MLLT3: variants seen among roughly 807,000 people sequenced by gnomAD.
MLLT3 encodes the protein MLLT3 super elongation complex subunit.
A neutral mutation model predicts 53.2 loss-of-function variants in MLLT3; 4 were observed. That is an observed-to-expected ratio of 0.08 (90% CI 0.04 to 0.17). The LOEUF is 0.17. Ranked by LOEUF, MLLT3 falls within the 10% of genes least tolerant of loss-of-function variation. The pLI, the probability that MLLT3 is intolerant of heterozygous loss-of-function variation, is 1.00. For synonymous variants in MLLT3, 283 were observed against 230.6 expected, an observed-to-expected ratio of 1.23 and a Z score of -2.06; for missense variants, 569 against 684.0, an observed-to-expected ratio of 0.83 and a Z score of 1.87.
intron 2 of MLLT3, among the ~76,000 whole-genome samples, chr9:20,571,981 A>G (rs1376896611): frequency 6.6e-6 from 1 of 152,230 alleles, no homozygotes; most frequent in Non-Finnish European, 1.5e-5. Flanking sequence ...TCCTCAAAAC[A>G]TTAAAAATAA....
chr9:20,456,311 C>T (rs1404149225), intron 3 of MLLT3, among the ~76,000 whole-genome samples: 1 of 151,894 alleles, frequency 6.6e-6, no homozygotes, highest in Non-Finnish European at 1.5e-5. Flanking sequence ...GGTGTGGGTA[C>T]CAGCTAAAGA....
chr9:20,594,858 G>A (rs1160892761), intron 2 of MLLT3, among the ~76,000 whole-genome samples: 1 of 152,144 alleles, frequency 6.6e-6, no homozygotes, highest in East Asian at 1.9e-4. Context: ...GGTCCAAAAA[G>A]GAGAGGAACC....
rs866019285 is a variant in MLLT3 at position 20,380,116 on chromosome 9, C to A, written c.1126-14372G>T. 5 of 152,068 alleles carry A rather than the reference C, an allele frequency of 3.3e-5. 1 individual carries two copies. In the South Asian group the frequency reaches 8.3e-4, roughly 25 times the overall value. The allele number at this position is 152,068 out of a possible 1,614,324, so 9.4% of individuals were successfully genotyped here. On this transcript the variant is annotated intron_variant, in intron 5 of 10. Transcript: ENST00000380338. ...GTTATCCCAAAGACTTCAGTATTTA[C>A]GGCCTTTATTCACTTGGGCTTTCTA...
At chr9:20,468,074 G>A (rs1824279562) in intron 2 of MLLT3, among the ~76,000 whole-genome samples, 1 of 152,192 alleles carries the variant, frequency 6.6e-6, no homozygotes, top group Non-Finnish European at 1.5e-5. Flanking sequence ...CATTTACAAA[G>A]TGAAGCTAAT....
At chr9:20,392,073 G>C (rs980269602) in intron 5 of MLLT3, among the ~76,000 whole-genome samples, 1 of 152,086 alleles carries the variant, frequency 6.6e-6, no homozygotes, top group African/African-American at 2.4e-5. Context: ...GAACTTCACC[G>C]GAAAAATATC....
chr9:20,519,768 C>G (rs1251096275), intron 2 of MLLT3, among the ~76,000 whole-genome samples: 2 of 152,084 alleles, frequency 1.3e-5, no homozygotes, highest in Non-Finnish European at 2.9e-5. Flanking sequence ...ATTAGTTCAA[C>G]CATTGTGGAA....
Position 20,481,763 on chromosome 9 carries a change from C to T in MLLT3, c.194-24977G>A, listed in dbSNP as rs571075746. ...GGAGCATTGGAGAAAATTCAGTTCC[C>T]TCACATATACTTGACAGAGGTTACA... is the stretch of plus-strand genomic sequence containing the variant. On this transcript the variant is annotated intron_variant, in intron 2 of 10. Transcript: ENST00000380338. Among the ~76,000 whole-genome samples, 4 of 152,304 alleles carry T rather than the reference C, an allele frequency of 2.6e-5. No individual in the cohort carries two copies. The South Asian group carries it at 6.2e-4, about 24-fold the overall frequency.
intron 5 of MLLT3, among the ~76,000 whole-genome samples, chr9:20,407,853 C>T (rs951043964): frequency 7.2e-5 from 11 of 152,074 alleles, no homozygotes; most frequent in African/African-American, 1.4e-4. Context: ...GACTAACAGA[C>T]TAAACACTCA....
At chr9:20,542,177 C>T (rs1038822977) in intron 2 of MLLT3, among the ~76,000 whole-genome samples, 10 of 151,830 alleles carry the variant, frequency 6.6e-5, no homozygotes, top group Admixed American at 1.3e-4. Context: ...TAGTATCAAT[C>T]TCCTCATACA....
Position 20,621,902 on chromosome 9 carries a change from C to G in MLLT3, c.12+343G>C, listed in dbSNP as rs1217112822. On this transcript the variant is annotated intron_variant, in intron 1 of 10. Coordinates refer to ENST00000380338, the MANE Select transcript of MLLT3 (RefSeq NM_004529.4). This position sits in a 1 kb window ranked among gnomAD's most constrained non-coding sequence, Gnocchi z 7.0. The stretch of plus-strand genomic sequence containing the variant: ...TGAGTTATTATTCGCCTCCTTCCAC[C>G]GTGTGTGTGTGTGTGTGTGAGTGCG... 1.6e-6 allele frequency: 2 copies of G among 1,232,580 alleles called. No individual in the cohort carries two copies. Among genetic ancestry groups the G allele is most frequent in the Middle Eastern group, 4.1e-4 (2 of 4,850 alleles). The allele number at this position is 1,232,580 out of a possible 1,614,324, so 76.4% of individuals were successfully genotyped here.
chr9:20,614,977 T>C (rs1316980433), intron 2 of MLLT3, among the ~76,000 whole-genome samples: 7 of 147,024 alleles, frequency 4.8e-5, no homozygotes, highest in East Asian at 3.9e-4. Flanking sequence ...TAAAGATAGG[T>C]AGTTCTACAG....
chr9:20,571,297 A>C (rs577278165), intron 2 of MLLT3, among the ~76,000 whole-genome samples: 2 of 152,360 alleles, frequency 1.3e-5, no homozygotes, highest in East Asian at 3.9e-4. Context: ...GTGCACAAGC[A>C]CATGCACACA....
At chr9:20,423,202 A>T (rs1823056961) in intron 4 of MLLT3, among the ~76,000 whole-genome samples, 1 of 152,116 alleles carries the variant, frequency 6.6e-6, no homozygotes, top group Non-Finnish European at 1.5e-5. Context: ...ATATTTTTAT[A>T]GTCTTAACCA....
At chr9:20,428,381 T>C (rs1823187372) in intron 4 of MLLT3, among the ~76,000 whole-genome samples, 1 of 152,006 alleles carries the variant, frequency 6.6e-6, no homozygotes, top group Non-Finnish European at 1.5e-5. Context: ...TATGGTAATA[T>C]AATTATGCTA....
chr9:20,453,512 G>A (rs1056497054), intron 3 of MLLT3, among the ~76,000 whole-genome samples: 13 of 152,232 alleles, frequency 8.5e-5, no homozygotes, highest in African/African-American at 2.9e-4. Flanking sequence ...GCAGTGAGCT[G>A]AGACTGCGCC....
intron 10 of MLLT3, among the ~76,000 whole-genome samples, chr9:20,352,073 A>G (rs1220446464): frequency 6.6e-6 from 1 of 152,244 alleles, no homozygotes; most frequent in African/African-American, 2.4e-5. Flanking sequence ...CCAGTAAGCC[A>G]CCTTTCTTCG....
chr9:20,582,944 A>T (rs1230476476), intron 2 of MLLT3, among the ~76,000 whole-genome samples: 1 of 152,096 alleles, frequency 6.6e-6, no homozygotes, highest in Non-Finnish European at 1.5e-5. Flanking sequence ...TTTAAAACCA[A>T]CCATGCCTTC....
rs1171555450 is a variant in MLLT3, at chr9:20,378,322, A to G, written c.1126-12578T>C. Among the ~76,000 whole-genome samples, 3 of 152,054 alleles carry G rather than the reference A, an allele frequency of 2.0e-5. 1 individual carries two copies. Among genetic ancestry groups the G allele is most frequent in the South Asian group, 4.1e-4 (2 of 4,830 alleles). On this transcript the variant is annotated intron_variant, in intron 5 of 10. Transcript: ENST00000380338. ...TAATTTACCTGCTCAAATCTTAATT[A>G]TATCACATGATTTCAAGCTCTGGAG... is the stretch of plus-strand genomic sequence containing the variant.
chr9:20,357,885 AG>A (rs1563934796), intron 8 of MLLT3, among the ~76,000 whole-genome samples: 1 of 151,866 alleles, frequency 6.6e-6, no homozygotes, highest in Non-Finnish European at 1.5e-5. Flanking sequence ...AGTCCTTCCA[AG>A]TATGTTCTCA....
Sources: gnomAD v4.1 joint callset for allele counts (sites outside exome capture counted in the v4.1 genomes callset) on GRCh38, gnomAD v4.1.1 for gene constraint, Gnocchi (gnomAD v3.1) non-coding constraint, MANE v1.5 for transcripts, NCBI Gene and HGNC (gene_info 2026-07-23, HGNC 2026-07-21) for gene names.